TXLNB: variants seen among roughly 807,000 people sequenced by gnomAD.
TXLNB encodes the protein beta-taxilin.
A neutral mutation model predicts 57.4 loss-of-function variants in TXLNB; 37 were observed. That is an observed-to-expected ratio of 0.64 (90% CI 0.50 to 0.85). The LOEUF (loss-of-function observed/expected upper bound fraction) is 0.85. TXLNB is among the 40% of genes least tolerant of loss of function. TXLNB has a pLI of 0.00. For missense variants in TXLNB, 848 were observed against 825.6 expected (o/e 1.03, Z -0.33); for synonymous variants, 302 against 309.6 (o/e 0.98, Z 0.26).
At chr6:139,305,180 A>G in the TXLNB span, among the ~76,000 whole-genome samples, 1 of 152,158 alleles carries the variant, frequency 6.6e-6, no homozygotes, top group Admixed American at 6.5e-5. Flanking sequence ...TAACTCTCCC[A>G]TTGAAACTTT....
the TXLNB span, among the ~76,000 whole-genome samples, chr6:139,219,091 A>G: frequency 6.6e-6 from 1 of 152,166 alleles, no homozygotes; most frequent in African/African-American, 2.4e-5. Flanking sequence ...ATTGTATTCA[A>G]TGTTCAACTC....
At chr6:139,197,974 T>G in the TXLNB span, 1 of 152,192 alleles carries the variant, frequency 6.6e-6, no homozygotes, top group South Asian at 2.1e-4. Context: ...CCTAATCATC[T>G]CTTAAGTTCT....
At chr6:139,193,581 T>A in the TXLNB span, among the ~76,000 whole-genome samples, 1 of 151,696 alleles carries the variant, frequency 6.6e-6, no homozygotes, top group African/African-American at 2.4e-5. Context: ...GATATTCTAT[T>A]GCACCAGAGA....
chr6:139,184,228 G>A, the TXLNB span, among the ~76,000 whole-genome samples: 11 of 152,374 alleles, frequency 7.2e-5, no homozygotes, highest in South Asian at 1.4e-3. Context: ...CCTTGTGGGT[G>A]TGGAAATTAC....
the TXLNB span, among the ~76,000 whole-genome samples, chr6:139,163,238 A>G: frequency 6.6e-6 from 1 of 152,162 alleles, no homozygotes; most frequent in African/African-American, 2.4e-5. Flanking sequence ...GCTAGCTGCT[A>G]GACATCTTAC....
At chr6:139,301,725 C>G in the TXLNB span, among the ~76,000 whole-genome samples, 2 of 152,152 alleles carry the variant, frequency 1.3e-5, no homozygotes, top group African/African-American at 2.4e-5. Flanking sequence ...TCAATGCTTC[C>G]CCTGCCTGAC....
At chr6:139,268,841 CTT>C (rs1776681412) in intron 4 of TXLNB, 1 of 152,102 alleles carries the variant, frequency 6.6e-6, no homozygotes, top group South Asian at 2.1e-4. Flanking sequence ...ATCATTCTGT[CTT>C]TGTTTTTTTG....
the TXLNB span, among the ~76,000 whole-genome samples, chr6:139,303,142 A>G: frequency 6.6e-6 from 1 of 152,198 alleles, no homozygotes; most frequent in Non-Finnish European, 1.5e-5. Context: ...TAATTAACTA[A>G]TGTGTTTTTG....
At chr6:139,231,070 G>A in the TXLNB span, among the ~76,000 whole-genome samples, 1 of 152,064 alleles carries the variant, frequency 6.6e-6, no homozygotes, top group African/African-American at 2.4e-5. Flanking sequence ...ATACCGGCAC[G>A]TTTTACACAC....
chr6:139,205,012 G>A, the TXLNB span, among the ~76,000 whole-genome samples: 2 of 152,242 alleles, frequency 1.3e-5, no homozygotes, highest in South Asian at 2.1e-4. Flanking sequence ...TCACCTGATG[G>A]TATTTCTCTA....
the TXLNB span, among the ~76,000 whole-genome samples, chr6:139,312,141 C>T: frequency 6.6e-6 from 1 of 152,146 alleles, no homozygotes; most frequent in African/African-American, 2.4e-5. Context: ...ATGAACACTA[C>T]ACTATTATGT....
rs1302913529 is a variant in TXLNB at position 139,244,660 on chromosome 6, C to G, written c.1201G>C (p.Asp401His). Reference sequence around the variant, plus strand: ...AATCGGGCTTTCCATGTGGCTGTGTCCTTTTCCAGCTTCTTCATTTTCTTA... The same window carrying G: ...AATCGGGCTTTCCATGTGGCTGTGTGCTTTTCCAGCTTCTTCATTTTCTTA... ...TTKKMKKLEKDTATWKARFEN... is the reference protein window; with the variant it reads ...TTKKMKKLEKHTATWKARFEN... Residue 401 changes from aspartate (D) to histidine (H), a missense_variant, in exon 9 of 10, where the codon GAC becomes CAC. Coordinates refer to ENST00000358430, the MANE Select transcript of TXLNB (RefSeq NM_153235.4). 6.2e-7 allele frequency: 1 copy of G among 1,613,716 alleles called. No individual in the cohort carries two copies. Among genetic ancestry groups the G allele is most frequent in the African/African-American group, 1.3e-5 (1 of 74,906 alleles).
chr6:139,181,823 T>C, the TXLNB span, among the ~76,000 whole-genome samples: 1 of 152,220 alleles, frequency 6.6e-6, no homozygotes, highest in African/African-American at 2.4e-5. Flanking sequence ...GCTTTATAAA[T>C]GGTACTATAA....
chr6:139,236,711 C>T (rs2114387157), downstream of TXLNB, among the ~76,000 whole-genome samples: 1 of 152,204 alleles, frequency 6.6e-6, no homozygotes, highest in Non-Finnish European at 1.5e-5. Flanking sequence ...CTCAAGCAAT[C>T]CTCCTGCCTC....
Position 139,256,688 on chromosome 6 carries a change from A to G in TXLNB, c.1003-1050T>C, listed in dbSNP as rs538271559. Among the ~76,000 whole-genome samples, 112 of 152,354 alleles carry G rather than the reference A, an allele frequency of 7.4e-4. 3 individuals carry two copies. The South Asian group carries it at 0.023, about 31-fold the overall frequency. On this transcript the variant is annotated intron_variant, in intron 6 of 9. Coordinates refer to ENST00000358430, the MANE Select transcript of TXLNB (RefSeq NM_153235.4). The stretch of plus-strand genomic sequence containing the variant: ...CTCCTAGACCACTGTTCTCCACCAT[A>G]GCACACTTGATACAATAAGAACTAT...
chr6:139,242,818 G>C lies in TXLNB; in HGVS notation c.1763C>G (p.Thr588Ser). Reference protein sequence around the residue: ...SNSPAGLGAETQCEGLPVGAQ... With the variant: ...SNSPAGLGAESQCEGLPVGAQ... The stretch of plus-strand genomic sequence containing the variant: ...TCCAACAGGGAGACCCTCGCATTGG[G>C]TTTCTGCTCCCAACCCGGCAGGAGA... Residue 588 changes from threonine (T) to serine (S), a missense_variant, in exon 10 of 10, where the codon ACC becomes AGC. By Grantham distance (58) the Thr-to-Ser change is moderately conservative. Coordinates refer to ENST00000358430, the MANE Select transcript of TXLNB (RefSeq NM_153235.4). The C allele has an allele frequency of 6.2e-7, 1 of 1,614,138 alleles. No individual in the cohort carries two copies. The highest frequency in any genetic ancestry group is 8.5e-7 in the Non-Finnish European group (1 of 1,180,034).
At chr6:139,298,411 C>T in the TXLNB span, among the ~76,000 whole-genome samples, 72 of 152,308 alleles carry the variant, frequency 4.7e-4, no homozygotes, top group African/African-American at 1.6e-3. Flanking sequence ...ATGCATTCTA[C>T]AGGGGACATT....
chr6:139,320,524 C>T, the TXLNB span, among the ~76,000 whole-genome samples: 1 of 152,018 alleles, frequency 6.6e-6, no homozygotes, highest in Non-Finnish European at 1.5e-5. Context: ...GGGTTGGAGA[C>T]GAGACACTGG....
chr6:139,201,578 C>T, the TXLNB span: 1 of 152,176 alleles, frequency 6.6e-6, no homozygotes, highest in Non-Finnish European at 1.5e-5. Flanking sequence ...AGATGCTGCC[C>T]AATTCATGAA....
Sources: gnomAD v4.1 joint callset for allele counts (sites outside exome capture counted in the v4.1 genomes callset) on GRCh38, gnomAD v4.1.1 for gene constraint, MANE v1.5 for transcripts, NCBI Gene and HGNC (gene_info 2026-07-23, HGNC 2026-07-21) for gene names.